The following PZP variants were observed in gnomAD, a reference collection of about 807,000 sequenced individuals.
PZP encodes pregnancy zone protein.
A neutral mutation model predicts 179.8 loss-of-function variants in PZP; 150 were observed. That is an observed-to-expected ratio of 0.83 (90% CI 0.73 to 0.96). The LOEUF (loss-of-function observed/expected upper bound fraction) is 0.96. PZP is among the 40% of genes least tolerant of loss of function. The pLI, the probability that PZP is intolerant of heterozygous loss-of-function variation, is 0.00. For missense variants in PZP, 1,689 were observed against 1,764.0 expected (o/e 0.96, Z 0.76); for synonymous variants, 624 against 652.3 (o/e 0.96, Z 0.66).
At position 9,157,174 on chromosome 12, in the gene PZP, CCTT is replaced by C. The variant is rs766089389; in HGVS notation, c.3548_3550del (p.Glu1183del). 24 of 1,612,430 alleles carry C rather than the reference CCTT, an allele frequency of 1.5e-5. No individual in the cohort carries two copies. Among genetic ancestry groups the C allele is most frequent in the African/African-American group, 2.7e-5 (2 of 75,014 alleles). On this transcript the variant is annotated inframe_deletion and splice_region_variant, in exon 28 of 36. Coordinates refer to ENST00000261336, the MANE Select transcript of PZP (RefSeq NM_002864.3). ...CAGCTCCCACTTATAAGTGCTCTCA[CCTT>C]CTTTCACAGCTTCCTTATCAAGTGA...
At chr12:9,159,500 G>C (rs939866372) in intron 25 of PZP, among the ~76,000 whole-genome samples, 1 of 151,966 alleles carries the variant, frequency 6.6e-6, no homozygotes, top group Non-Finnish European at 1.5e-5. Context: ...GCCTTTAAGA[G>C]GTGATTGGCT....
intron 21 of PZP, 104 bp downstream of exon 21, chr12:9,163,564 G>A: frequency 7.7e-7 from 1 of 1,294,662 alleles, no homozygotes; most frequent in Non-Finnish European, 1.1e-6. Context: ...TAGTCTTACA[G>A]GATGTATTGT....
intron 10 of PZP, among the ~76,000 whole-genome samples, chr12:9,195,269 T>C (rs1305380358): frequency 6.6e-6 from 1 of 152,150 alleles, no homozygotes; most frequent in Non-Finnish European, 1.5e-5. Context: ...TTAGAAGATA[T>C]TTGGTGTACG....
At position 9,159,702 on chromosome 12, in the gene PZP, C is replaced by T. The variant is rs1423542478; in HGVS notation, c.3137+236G>A. Among the ~76,000 whole-genome samples, 2 of 151,638 alleles carry T rather than the reference C, an allele frequency of 1.3e-5. 1 individual carries two copies. The highest frequency in any genetic ancestry group is 4.9e-5 in the African/African-American group (2 of 41,226). ...TTCAATCCTCTAGTCATATGATGCC[C>T]TGCATCACCGTGGGACTCCTCAGAG... On this transcript the variant is annotated intron_variant, in intron 25 of 35. Coordinates refer to ENST00000261336, the MANE Select transcript of PZP (RefSeq NM_002864.3).
intron 17 of PZP, chr12:9,167,374 T>G (rs1295733475): frequency 6.6e-6 from 1 of 152,144 alleles, no homozygotes; most frequent in Non-Finnish European, 1.5e-5. Context: ...AGTCTCTGCA[T>G]CAAAGCTTTG....
At chr12:9,136,555 G>A in the PZP span, among the ~76,000 whole-genome samples, 1 of 151,998 alleles carries the variant, frequency 6.6e-6, no homozygotes, top group African/African-American at 2.4e-5. Flanking sequence ...ATATATGCAT[G>A]TATATATAAT....
Position 9,192,725 on chromosome 12 carries a change from A to G in PZP, c.1269T>C (p.His423=). 1 of 1,609,914 alleles carries G rather than the reference A, an allele frequency of 6.2e-7. No homozygotes were observed. The highest frequency in any genetic ancestry group is 8.5e-7 in the Non-Finnish European group (1 of 1,176,320). Residue 423 remains histidine (H), a synonymous_variant, in exon 12 of 36, where the codon CAT becomes CAC. Coordinates refer to ENST00000261336, the MANE Select transcript of PZP (RefSeq NM_002864.3). ...ATGAATAGTGAAAACACAAGTTGGG[A>G]TGCACAGTGAAAACCTGAGTAAACA... The part of the protein sequence containing the change: ...NKLFVRVFTV[H]PNLCFHYSWV...
rs1298168044 is a variant in PZP at position 9,191,846 on chromosome 12, T to C, written c.1546+347A>G. Among the ~76,000 whole-genome samples, 3 of 152,198 alleles carry C rather than the reference T, an allele frequency of 2.0e-5. No homozygotes were observed. In the East Asian group the frequency reaches 5.8e-4, roughly 29 times the overall value. ...TCCCATTTCCCATGATAATTACTTT[T>C]TTCTTCTCTGCAATGTTAATTTAAT... On this transcript the variant is annotated intron_variant, in intron 13 of 35. Coordinates refer to ENST00000261336, the MANE Select transcript of PZP (RefSeq NM_002864.3).
At chr12:9,172,466 C>T (rs888852494) in intron 15 of PZP, among the ~76,000 whole-genome samples, 3 of 152,182 alleles carry the variant, frequency 2.0e-5, no homozygotes, top group Non-Finnish European at 2.9e-5. Context: ...ATGACAGGAT[C>T]TAATTCACCC....
At chr12:9,193,518 A>G (rs1238855377) in intron 11 of PZP, among the ~76,000 whole-genome samples, 1 of 152,176 alleles carries the variant, frequency 6.6e-6, no homozygotes, top group African/African-American at 2.4e-5. Flanking sequence ...AGTGTCTATC[A>G]CATAGAAAAC....
At chr12:9,145,986 T>C (rs1451238959), downstream of PZP, among the ~76,000 whole-genome samples, 3 of 152,224 alleles carry the variant, frequency 2.0e-5, no homozygotes, top group Admixed American at 6.5e-5. Flanking sequence ...CTTTTGATAA[T>C]TTAATGATTA....
intron 25 of PZP, among the ~76,000 whole-genome samples, chr12:9,158,929 C>T (rs1218800150): frequency 2.0e-5 from 3 of 151,954 alleles, no homozygotes; most frequent in Non-Finnish European, 2.9e-5. Context: ...ATTTCCTTTC[C>T]TAGATTTCTT....
chr12:9,160,449 G>A lies in PZP; in HGVS notation c.2914C>T (p.Leu972Phe), dbSNP rs747821150. 25 of 1,613,958 alleles carry A rather than the reference G, an allele frequency of 1.5e-5. No homozygotes were observed. In the East Asian group the frequency reaches 3.3e-4, roughly 22 times the overall value. The change falls in exon 24 of 36, where the codon CTC becomes TTC. Residue 972 changes from leucine (L) to phenylalanine (F), a missense_variant. Coordinates refer to ENST00000261336, the MANE Select transcript of PZP (RefSeq NM_002864.3). ...GSAMQNIQNL[L>F]QMPYGCGEQN... ...TCTCCACAGCCATATGGCATCTGGA[G>A]GAGATTTTGTATATTTTGCATAGCA...
At chr12:9,188,140 A>T (rs1943241293) in intron 13 of PZP, among the ~76,000 whole-genome samples, 1 of 152,214 alleles carries the variant, frequency 6.6e-6, no homozygotes, top group South Asian at 2.1e-4. Context: ...ATACTGGTAA[A>T]CTGAATCCAG....
intron 10 of PZP, among the ~76,000 whole-genome samples, chr12:9,194,712 C>T (rs1254909572): frequency 1.3e-5 from 2 of 152,126 alleles, no homozygotes; most frequent in Non-Finnish European, 2.9e-5. Context: ...GATCTGCCCG[C>T]CTCGGCCTCC....
intron 15 of PZP, among the ~76,000 whole-genome samples, chr12:9,173,653 C>G (rs993082832): frequency 6.6e-6 from 1 of 152,144 alleles, no homozygotes; most frequent in Admixed American, 6.6e-5. Flanking sequence ...AATATCACCA[C>G]TGACCTCACA....
the PZP span, among the ~76,000 whole-genome samples, chr12:9,140,160 GT>G: frequency 6.6e-6 from 1 of 152,224 alleles, no homozygotes; most frequent in Admixed American, 6.5e-5. Flanking sequence ...CTTTGGGGCA[GT>G]TTTTGGGTAG....
At chr12:9,146,436 T>C (rs896088558), downstream of PZP, among the ~76,000 whole-genome samples, 1 of 152,180 alleles carries the variant, frequency 6.6e-6, no homozygotes, top group Non-Finnish European at 1.5e-5. Flanking sequence ...TTGACTTCAG[T>C]GAGCATCTTT....
intron 13 of PZP, among the ~76,000 whole-genome samples, chr12:9,182,549 TA>T (rs950962132): frequency 4.6e-5 from 7 of 152,020 alleles, no homozygotes; most frequent in Admixed American, 6.6e-5. Flanking sequence ...GCTCTGTATG[TA>T]AAAAAAAGTT....
Sources: gnomAD v4.1 joint callset for allele counts (sites outside exome capture counted in the v4.1 genomes callset) on GRCh38, gnomAD v4.1.1 for gene constraint, MANE v1.5 for transcripts, NCBI Gene and HGNC (gene_info 2026-07-23, HGNC 2026-07-21) for gene names.